The following FCN3 variants were observed in gnomAD, a reference collection of about 807,000 sequenced individuals.
FCN3 encodes ficolin 3, also known as ficolin-3.
In FCN3, 28 loss-of-function variants were observed where a neutral mutation model predicts 31.5. That is an observed-to-expected ratio of 0.89 (90% CI 0.66 to 1.22). The LOEUF (loss-of-function observed/expected upper bound fraction) is 1.22. Ranked by LOEUF, FCN3 falls within the 50% of genes most tolerant of loss-of-function variation. The pLI is 0.00. For missense variants in FCN3, 351 were observed against 386.8 expected, an observed-to-expected ratio of 0.91 and a Z score of 0.78; for synonymous variants, 124 against 147.4, an observed-to-expected ratio of 0.84 and a Z score of 1.15.
chr1:27,374,442 TC>T lies in FCN3; in HGVS notation c.100del (p.Glu34AsnfsTer48). The T allele has an allele frequency of 6.2e-7, 1 of 1,613,134 alleles. No individual in the cohort carries two copies. The highest frequency in any genetic ancestry group is 8.5e-7 in the Non-Finnish European group (1 of 1,179,276). On this transcript the variant is annotated frameshift_variant, in exon 2 of 8. Coordinates refer to ENST00000270879, the MANE Select transcript of FCN3 (RefSeq NM_003665.4). LOFTEE classifies it high-confidence loss of function. ...QEHPSCPGPR[E>X]LEASKVVLLP... ...GAGGACAACTTTGCTGGCTTCCAGT[TC>T]CCTGGGTCCTACAGGGAGACACAGG... is the stretch of plus-strand genomic sequence containing the variant.
chr1:27,373,004 G>C, intron 5 of FCN3, 132 bp downstream of exon 5: 1 of 1,129,910 alleles, frequency 8.9e-7, no homozygotes, highest in Non-Finnish European at 1.3e-6. Flanking sequence ...GTCCCATTGG[G>C]GGCTCACTAA....
intron 4 of FCN3, 43 bp downstream of exon 4, chr1:27,373,445 C>T (rs774015485): frequency 2.5e-6 from 4 of 1,612,274 alleles, no homozygotes; most frequent in Admixed American, 3.3e-5. Flanking sequence ...ACACCCAACA[C>T]CATGTGATCC....
intron 7 of FCN3, among the ~76,000 whole-genome samples, chr1:27,370,080 C>T (rs1170040436): frequency 1.3e-5 from 2 of 151,292 alleles, no homozygotes; most frequent in African/African-American, 2.4e-5. Flanking sequence ...TCTCTTGGCT[C>T]GCTGCAACCT....
At chr1:27,374,616 CCCAGATT>C (rs1327280287) in intron 1 of FCN3, 105 bp downstream of exon 1, 16 of 765,442 alleles carry the variant, frequency 2.1e-5, no homozygotes, top group Non-Finnish European at 2.9e-5. Flanking sequence ...ACATGCAGAG[CCCAGATT>C]ATGAAACTCC....
chr1:27,371,536 A>G (rs2016145992), intron 5 of FCN3, among the ~76,000 whole-genome samples: 1 of 151,690 alleles, frequency 6.6e-6, no homozygotes. Flanking sequence ...AGATCACACC[A>G]CTGCACTCCA....
intron 3 of FCN3, 81 bp from the exon 4 acceptor site, chr1:27,373,601 C>T (rs756088327): frequency 4.1e-5 from 61 of 1,476,254 alleles, no homozygotes; most frequent in Non-Finnish European, 5.3e-5. Context: ...GGTACCCAGG[C>T]CCTTTTCCGA....
rs796430883 is a variant in FCN3 at position 27,370,676 on chromosome 1, G to A, written c.578C>T (p.Ala193Val). Residue 193 changes from alanine to valine, a missense_variant, in exon 7 of 8, where the codon GCC becomes GTC. Ala to Val is a moderately conservative substitution (Grantham distance 64). Transcript: ENST00000270879. ...LEDFNGNRTF[A>V]HYATFRLLGE... is the part of the protein sequence containing the mutation. ...GAGGAGGCGGAAGGTCGCATAGTGG[G>A]CGAAAGTACGGTTACCATTAAAGTC... is the stretch of plus-strand genomic sequence containing the variant. 2.5e-6 allele frequency: 4 copies of A among 1,614,248 alleles called. No individual in the cohort carries two copies. Among genetic ancestry groups the A allele is most frequent in the Non-Finnish European group, 3.4e-6 (4 of 1,180,044 alleles).
Position 27,374,423 on chromosome 1 carries a change from A to T in FCN3, c.120T>A (p.Val40=). Residue 40 remains valine (V), a synonymous_variant, in exon 2 of 8, where the codon GTT becomes GTA. Coordinates refer to ENST00000270879, the MANE Select transcript of FCN3 (RefSeq NM_003665.4). ...CTCCGGGACAACTGGGCAGGAGGAC[A>T]ACTTTGCTGGCTTCCAGTTCCCTGG... ...PGPRELEASK[V]VLLPSCPGAP... The T allele has an allele frequency of 6.2e-7, 1 of 1,613,780 alleles. No homozygotes were observed. Among genetic ancestry groups the T allele is most frequent in the Non-Finnish European group, 8.5e-7 (1 of 1,179,860 alleles).
Position 27,374,356 on chromosome 1 carries a change from C to T in FCN3, c.187G>A (p.Gly63Arg). 6.2e-7 allele frequency: 1 copy of T among 1,608,260 alleles called. No individual in the cohort carries two copies. Among genetic ancestry groups the T allele is most frequent in the Middle Eastern group, 1.7e-4 (1 of 6,014 alleles). The change falls in exon 2 of 8, where the codon GGG becomes AGG. Residue 63 changes from glycine (G) to arginine (R), a missense_variant and splice_region_variant. Gly to Arg is a moderately radical substitution (Grantham distance 125). Transcript: ENST00000270879. Reference sequence around the variant, plus strand: ...CAGCCCGCTCCCCAGCCCCTCTCACCTTGAGGACCTGGGGCTCCCTTCTCC... The same window carrying T: ...CAGCCCGCTCCCCAGCCCCTCTCACTTTGAGGACCTGGGGCTCCCTTCTCC... ...PGEKGAPGPQGPPGPPGKMGP... is the reference protein window; with the variant it reads ...PGEKGAPGPQRPPGPPGKMGP...
chr1:27,374,516 C>A, intron 1 of FCN3, 65 bp from the exon 2 acceptor site: 2 of 1,082,906 alleles, frequency 1.8e-6, no homozygotes, highest in Non-Finnish European at 2.8e-6. Flanking sequence ...CTCTTCAGTT[C>A]TCTTCCTGTC....
At chr1:27,374,659 C>A in intron 1 of FCN3, 69 bp downstream of exon 1, 1 of 977,682 alleles carries the variant, frequency 1.0e-6, no homozygotes, top group Admixed American at 3.3e-5. Context: ...GGTTGATGAG[C>A]CTTGGTGGGG....
At chr1:27,372,143 T>C (rs892772837) in intron 5 of FCN3, among the ~76,000 whole-genome samples, 3 of 152,158 alleles carry the variant, frequency 2.0e-5, no homozygotes, top group Admixed American at 2.0e-4. Flanking sequence ...ATGCAGTGCA[T>C]CTTTCATGGT....
intron 5 of FCN3, among the ~76,000 whole-genome samples, chr1:27,372,247 CTTT>C (rs559771616): frequency 4.4e-5 from 6 of 136,374 alleles, no homozygotes; most frequent in Admixed American, 1.5e-4. Flanking sequence ...GCACACTCTT[CTTT>C]TTTTTTTTTT....
chr1:27,372,604 A>G (rs1208272977), intron 5 of FCN3, among the ~76,000 whole-genome samples: 1 of 152,136 alleles, frequency 6.6e-6, no homozygotes, highest in Non-Finnish European at 1.5e-5. Flanking sequence ...AGTGCCTTCC[A>G]TGAACTGGCC....
chr1:27,370,992 G>A lies in FCN3; in HGVS notation c.394-20C>T. 2 of 1,610,120 alleles carry A rather than the reference G, an allele frequency of 1.2e-6. No homozygotes were observed. Among genetic ancestry groups the A allele is most frequent in the Non-Finnish European group, 1.7e-6 (2 of 1,178,576 alleles). On this transcript the variant is annotated intron_variant, in intron 5 of 7. Coordinates refer to ENST00000270879, the MANE Select transcript of FCN3 (RefSeq NM_003665.4). ...AAACACCTGGGGGAGGGGGGGCACA[G>A]CAGCTATTACTCCAGGCTGGGCACT...
intron 3 of FCN3, 101 bp downstream of exon 3, chr1:27,373,864 G>T: frequency 9.6e-7 from 1 of 1,040,226 alleles, no homozygotes; most frequent in Non-Finnish European, 1.5e-6. Flanking sequence ...ATTCCCCTGT[G>T]AGAGAGCCAT....
rs746876244 is a variant in FCN3 at position 27,369,431 on chromosome 1, G to A, written c.705C>T (p.Asp235=). 3.2e-5 allele frequency: 51 copies of A among 1,614,054 alleles called. No homozygotes were observed. The highest frequency in any genetic ancestry group is 5.5e-5 in the South Asian group (5 of 91,086). The change falls in exon 8 of 8, where the codon GAC becomes GAT. Residue 235 remains aspartate, a synonymous_variant. Transcript: ENST00000270879. Reference sequence around the variant, plus strand: ...TGCTGTTGCTTGAATCGTGGTCAGCGTCATAGGTGGTAAAGGGCCTCCCAC... The same window carrying A: ...TGCTGTTGCTTGAATCGTGGTCAGCATCATAGGTGGTAAAGGGCCTCCCAC... ...LHSGRPFTTY[D]ADHDSSNSNC...
intron 7 of FCN3, among the ~76,000 whole-genome samples, chr1:27,370,128 T>C (rs1167894175): frequency 6.6e-6 from 1 of 151,754 alleles, no homozygotes; most frequent in Non-Finnish European, 1.5e-5. Flanking sequence ...TGCCTCAGCC[T>C]CCCGAGTAGC....
chr1:27,374,514 T>G lies in FCN3; in HGVS notation c.92-63A>C, dbSNP rs943724682. 20 of 1,129,386 alleles carry G rather than the reference T, an allele frequency of 1.8e-5. No homozygotes were observed. The African/African-American group carries it at 3.1e-4, about 17-fold the overall frequency. The allele number at this position is 1,129,386 out of a possible 1,614,324, so 70.0% of individuals were successfully genotyped here. ...CTGTCTCTTCCAGACCCCTCTTCAGTTCTCTTCCTGTCTCCCAGATTCCCA... is the reference window on the plus strand; with the variant it reads ...CTGTCTCTTCCAGACCCCTCTTCAGGTCTCTTCCTGTCTCCCAGATTCCCA... On this transcript the variant is annotated intron_variant, in intron 1 of 7. Transcript: ENST00000270879.
Sources: gnomAD v4.1 joint callset for allele counts (sites outside exome capture counted in the v4.1 genomes callset) on GRCh38, gnomAD v4.1.1 for gene constraint, MANE v1.5 for transcripts, NCBI Gene and HGNC (gene_info 2026-07-23, HGNC 2026-07-21) for gene names.